Variants in FBXW7 observed in about 807,000 individuals in gnomAD.
FBXW7 encodes the protein F-box/WD repeat-containing protein 7.
A neutral mutation model predicts 86.3 loss-of-function variants in FBXW7; 11 were observed. That is an observed-to-expected ratio of 0.13 (90% CI 0.08 to 0.21). FBXW7 has a LOEUF of 0.21. FBXW7 is among the 10% of genes least tolerant of loss of function. The pLI, the probability that FBXW7 is intolerant of heterozygous loss-of-function variation, is 1.00. For missense variants in FBXW7, 488 were observed against 847.4 expected (o/e 0.58, Z 5.27); for synonymous variants, 313 against 297.9 (o/e 1.05, Z -0.52).
chr4:152,339,022 G>A (rs949958433), intron 6 of FBXW7, among the ~76,000 whole-genome samples: 1 of 152,124 alleles, frequency 6.6e-6, no homozygotes. Context: ...ATGAGGAGCT[G>A]TATTTGGAAT....
At chr4:152,414,886 T>C (rs895529009) in intron 2 of FBXW7, among the ~76,000 whole-genome samples, 2 of 152,130 alleles carry the variant, frequency 1.3e-5, no homozygotes, top group African/African-American at 4.8e-5. Flanking sequence ...GCACAGCTAC[T>C]CCATGACTTT....
At chr4:152,442,614 G>A (rs572558017) in intron 2 of FBXW7, among the ~76,000 whole-genome samples, 49 of 152,312 alleles carry the variant, frequency 3.2e-4, no homozygotes, top group Admixed American at 2.4e-3. Context: ...TTAAATGCCA[G>A]TACACATGTA....
At chr4:152,460,598 AT>A (rs1742850213) in intron 2 of FBXW7, among the ~76,000 whole-genome samples, 2 of 152,276 alleles carry the variant, frequency 1.3e-5, no homozygotes, top group Non-Finnish European at 1.5e-5. Flanking sequence ...TTCTTATTTG[AT>A]AGCTTTTTGC....
chr4:152,406,122 C>T (rs1737400682), intron 4 of FBXW7, among the ~76,000 whole-genome samples: 1 of 152,138 alleles, frequency 6.6e-6, no homozygotes, highest in Admixed American at 6.5e-5. Context: ...TTATAATACA[C>T]ATATGAAACA....
At chr4:152,342,336 C>T (rs1344709321) in intron 6 of FBXW7, among the ~76,000 whole-genome samples, 1 of 152,178 alleles carries the variant, frequency 6.6e-6, no homozygotes, top group Admixed American at 6.5e-5. Context: ...GAGTCTGAGT[C>T]TCAGAGAACC....
At chr4:152,361,915 G>A (rs1433618257) in intron 4 of FBXW7, among the ~76,000 whole-genome samples, 4 of 140,500 alleles carry the variant, frequency 2.8e-5, no homozygotes, top group South Asian at 4.4e-4. Flanking sequence ...GCAGTGAGCC[G>A]AGATTGCAAC....
At chr4:152,344,681 A>T (rs1176622998) in intron 6 of FBXW7, among the ~76,000 whole-genome samples, 7 of 152,160 alleles carry the variant, frequency 4.6e-5, no homozygotes, top group Admixed American at 1.3e-4. Flanking sequence ...AACGGTGTAC[A>T]ATGAACTCTC....
chr4:152,527,748 C>G (rs1749645592), intron 2 of FBXW7, among the ~76,000 whole-genome samples: 1 of 151,896 alleles, frequency 6.6e-6, no homozygotes, highest in African/African-American at 2.4e-5. Flanking sequence ...CCACTGCCCT[C>G]CAGCCTGGTG....
intron 4 of FBXW7, among the ~76,000 whole-genome samples, chr4:152,375,288 C>T (rs1280390801): frequency 3.3e-5 from 5 of 151,812 alleles, no homozygotes; most frequent in Non-Finnish European, 7.4e-5. Context: ...AGATACCATG[C>T]TAAAATTCAG....
intron 2 of FBXW7, among the ~76,000 whole-genome samples, chr4:152,448,327 C>T (rs889551274): frequency 1.3e-5 from 2 of 152,184 alleles, no homozygotes; most frequent in African/African-American, 2.4e-5. Context: ...TGGATATCTA[C>T]TGCAAGGTCA....
chr4:152,449,008 C>T (rs1426739281), intron 2 of FBXW7, among the ~76,000 whole-genome samples: 1 of 152,156 alleles, frequency 6.6e-6, no homozygotes. Context: ...ATTTCAACAA[C>T]CAACAGGAAT....
intron 7 of FBXW7, among the ~76,000 whole-genome samples, chr4:152,334,079 ACAACT>A (rs1729837594): frequency 6.6e-6 from 1 of 152,056 alleles, no homozygotes; most frequent in African/African-American, 2.4e-5. Context: ...AACAACAACA[ACAACT>A]CATCATTAAT....
intron 7 of FBXW7, among the ~76,000 whole-genome samples, chr4:152,336,192 C>CT (rs1730085118): frequency 6.6e-6 from 1 of 152,070 alleles, no homozygotes; most frequent in Non-Finnish European, 1.5e-5. Flanking sequence ...AACCAAGGCT[C>CT]TCCCTTAGTC....
intron 4 of FBXW7, among the ~76,000 whole-genome samples, chr4:152,378,082 G>C (rs1227931569): frequency 1.3e-5 from 2 of 152,140 alleles, no homozygotes; most frequent in Non-Finnish European, 2.9e-5. Flanking sequence ...AGAGAGCTGA[G>C]TGCAACAGAG....
intron 2 of FBXW7, among the ~76,000 whole-genome samples, chr4:152,498,877 T>TA (rs1746634048): frequency 6.6e-6 from 1 of 152,068 alleles, no homozygotes; most frequent in East Asian, 1.9e-4. Flanking sequence ...AGGGAAAAAA[T>TA]AGAGTATAAG....
At chr4:152,501,141 T>A (rs991203781) in intron 2 of FBXW7, among the ~76,000 whole-genome samples, 1 of 152,234 alleles carries the variant, frequency 6.6e-6, no homozygotes, top group Non-Finnish European at 1.5e-5. Flanking sequence ...TATATTAATG[T>A]GCATGGTAAA....
At chr4:152,528,089 T>C (rs951901216) in intron 2 of FBXW7, among the ~76,000 whole-genome samples, 2 of 152,172 alleles carry the variant, frequency 1.3e-5, no homozygotes, top group Non-Finnish European at 2.9e-5. Context: ...TTTTGTAGTC[T>C]TTTAATATTT....
intron 7 of FBXW7, among the ~76,000 whole-genome samples, chr4:152,333,407 G>A (rs1465643028): frequency 1.3e-5 from 2 of 151,122 alleles, no homozygotes; most frequent in African/African-American, 4.9e-5. Context: ...TAAAAACTTT[G>A]TTTATAATAC....
rs539851463 is a variant in FBXW7 at position 152,350,239 on chromosome 4, TA to T, written c.502-116del. ...ATTTTCATATGCCTACAATGTTAATTAAATATATAAAATAAATGTTTCATAG... is the reference window on the plus strand; with the variant it reads ...ATTTTCATATGCCTACAATGTTAATTAATATATAAAATAAATGTTTCATAG... On this transcript the variant is annotated intron_variant, in intron 4 of 13. Coordinates refer to ENST00000281708, the MANE Select transcript of FBXW7 (RefSeq NM_001349798.2). 1,504 of 486,950 alleles carry T rather than the reference TA, an allele frequency of 3.1e-3. 1 individual carries two copies. Among genetic ancestry groups the T allele is most frequent in the Non-Finnish European group, 4.7e-3 (1,282 of 270,992 alleles). The allele number at this position is 486,950 out of a possible 1,614,324, so 30.2% of individuals were successfully genotyped here.
Sources: gnomAD v4.1 joint callset for allele counts (sites outside exome capture counted in the v4.1 genomes callset) on GRCh38, gnomAD v4.1.1 for gene constraint, MANE v1.5 for transcripts, NCBI Gene and HGNC (gene_info 2026-07-23, HGNC 2026-07-21) for gene names.